Variants in GRM5 observed in about 807,000 individuals in gnomAD.
GRM5 encodes the protein metabotropic glutamate receptor 5.
GRM5 carries 19 observed loss-of-function variants against 83.1 expected under a neutral mutation model. The ratio of observed to expected loss-of-function variants is 0.23; its 90% CI spans 0.16 to 0.34. The LOEUF (loss-of-function observed/expected upper bound fraction) is 0.34, where lower values mean the gene tolerates loss of function less well. Ranked by LOEUF, GRM5 falls within the 10% of genes least tolerant of loss-of-function variation. The probability of loss-of-function intolerance (pLI) is 1.00; values close to 1 mark genes in which losing one functional copy is unlikely to be tolerated. For synonymous variants in GRM5, 675 were observed against 633.6 expected (o/e 1.07, Z -0.98); for missense variants, 1,160 against 1,588.3 (o/e 0.73, Z 4.58).
At chr11:88,839,346 TAA>T (rs1224585910) in intron 3 of GRM5, among the ~76,000 whole-genome samples, 2 of 152,192 alleles carry the variant, frequency 1.3e-5, no homozygotes, top group African/African-American at 2.4e-5. Context: ...CCTTAATTTA[TAA>T]AGTTTTTAGA....
intron 2 of GRM5, among the ~76,000 whole-genome samples, chr11:88,951,997 G>C (rs1377878886): frequency 6.6e-6 from 1 of 152,132 alleles, no homozygotes; most frequent in Non-Finnish European, 1.5e-5. Flanking sequence ...ACTTCAGGCA[G>C]AATTATCTTT....
At chr11:88,984,474 A>G (rs1939631478) in intron 2 of GRM5, among the ~76,000 whole-genome samples, 5 of 152,156 alleles carry the variant, frequency 3.3e-5, no homozygotes, top group Admixed American at 3.3e-4. Context: ...ACACTCTATG[A>G]TGTTCACAGG....
intron 8 of GRM5, among the ~76,000 whole-genome samples, chr11:88,531,126 G>C (rs192473180): frequency 8.7e-4 from 133 of 152,194 alleles, no homozygotes; most frequent in African/African-American, 3.1e-3. Context: ...TCACATTTTT[G>C]TATGTAAGGG....
intron 3 of GRM5, among the ~76,000 whole-genome samples, chr11:88,841,953 T>C (rs559095116): frequency 5.9e-5 from 9 of 152,194 alleles, no homozygotes; most frequent in Non-Finnish European, 1.3e-4. Flanking sequence ...ATACTTGAGA[T>C]CATTGCAATA....
intron 3 of GRM5, among the ~76,000 whole-genome samples, chr11:88,830,641 C>T (rs1187876452): frequency 1.3e-5 from 2 of 152,132 alleles, no homozygotes; most frequent in East Asian, 1.9e-4. Flanking sequence ...GCAATACTTG[C>T]CAGAGCCGTT....
intron 4 of GRM5, among the ~76,000 whole-genome samples, chr11:88,651,155 T>C (rs1374092363): frequency 6.6e-6 from 1 of 151,924 alleles, no homozygotes; most frequent in South Asian, 2.1e-4. Flanking sequence ...ACGGTTTCCA[T>C]AGAAATAATA....
intron 3 of GRM5, among the ~76,000 whole-genome samples, chr11:88,766,186 G>T (rs1318918554): frequency 6.6e-6 from 1 of 151,766 alleles, no homozygotes; most frequent in East Asian, 1.9e-4. Flanking sequence ...TGATATTCTT[G>T]ACATGACTAG....
At chr11:88,992,866 G>T (rs1262700171) in intron 2 of GRM5, among the ~76,000 whole-genome samples, 2 of 144,482 alleles carry the variant, frequency 1.4e-5, no homozygotes, top group Non-Finnish European at 3.0e-5. Flanking sequence ...GGGGCCTGTC[G>T]TGGGGTGGGG....
intron 2 of GRM5, among the ~76,000 whole-genome samples, chr11:88,891,113 A>G (rs1945137167): frequency 6.6e-6 from 1 of 152,100 alleles, no homozygotes; most frequent in Non-Finnish European, 1.5e-5. Context: ...AAAATGGGTT[A>G]TAAAAAAGGT....
intron 3 of GRM5, among the ~76,000 whole-genome samples, chr11:88,823,742 G>T (rs1212765595): frequency 1.3e-5 from 2 of 152,072 alleles, no homozygotes; most frequent in African/African-American, 4.8e-5. Flanking sequence ...GAGAACTTGG[G>T]CTATCAACAT....
In GRM5 at chr11:88,888,957, G is replaced by A. The variant is rs139684409; in HGVS notation, c.662-38802C>T. Among the ~76,000 whole-genome samples, 498 of 152,270 alleles carry A rather than the reference G, an allele frequency of 3.3e-3. 1 individual carries two copies. Among genetic ancestry groups the A allele is most frequent in the African/African-American group, 0.012 (483 of 41,556 alleles). On this transcript the variant is annotated intron_variant, in intron 2 of 9. Transcript: ENST00000305447. ...GGAACATGACCTGTAACCATGTGGC[G>A]AATAATTTGTTTTAGTCTCCACCAT...
At chr11:88,833,596 G>A (rs1428434657) in intron 3 of GRM5, among the ~76,000 whole-genome samples, 1 of 152,138 alleles carries the variant, frequency 6.6e-6, no homozygotes, top group Non-Finnish European at 1.5e-5. Flanking sequence ...ACTATCGTAT[G>A]ATCAGCAATT....
chr11:88,573,112 T>A (rs901945137), intron 7 of GRM5, among the ~76,000 whole-genome samples: 4 of 152,190 alleles, frequency 2.6e-5, no homozygotes, highest in African/African-American at 9.6e-5. Context: ...TATACTTGAT[T>A]CGTAAGTCTG....
chr11:88,640,593 C>G (rs778203121), intron 4 of GRM5, among the ~76,000 whole-genome samples: 2 of 152,128 alleles, frequency 1.3e-5, no homozygotes, highest in Non-Finnish European at 2.9e-5. Context: ...CTCCCTCTTC[C>G]CACCAGTAAT....
In GRM5 at chr11:89,047,479, C is replaced by T; in HGVS notation, c.394G>A (p.Gly132Ser). The change falls in exon 2 of 10, where the codon GGC becomes AGC. Residue 132 changes from glycine to serine, a missense_variant. Around this residue, in one of 9 missense-constraint regions of GRM5, gnomAD observed 39 missense variants for 36.7 expected, o/e 1.06. Coordinates refer to ENST00000305447, the MANE Select transcript of GRM5 (RefSeq NM_001143831.3). This position sits in a 1 kb window ranked among gnomAD's most constrained non-coding sequence, Gnocchi z 5.1. ...TTGGAGCGGAAGGAAGAGGAGGAGCCATCCACACAGCGTACCAAGCCTTCT... is the reference window on the plus strand; with the variant it reads ...TTGGAGCGGAAGGAAGAGGAGGAGCTATCCACACAGCGTACCAAGCCTTCT... Reference protein sequence around the residue: ...EEEGLVRCVDGSSSSFRSKKP... With the variant: ...EEEGLVRCVDSSSSSFRSKKP... 1 of 1,614,200 alleles carries T rather than the reference C, an allele frequency of 6.2e-7. No homozygotes were observed. Among genetic ancestry groups the T allele is most frequent in the Non-Finnish European group, 8.5e-7 (1 of 1,180,028 alleles).
chr11:89,062,535 G>T (rs781391066), intron 1 of GRM5, among the ~76,000 whole-genome samples: 3 of 152,186 alleles, frequency 2.0e-5, no homozygotes, highest in Non-Finnish European at 4.4e-5. Flanking sequence ...CCTTCTCACT[G>T]GTCTGTATCA....
chr11:88,841,344 A>T (rs1944196665), intron 3 of GRM5, among the ~76,000 whole-genome samples: 1 of 152,164 alleles, frequency 6.6e-6, no homozygotes, highest in Admixed American at 6.5e-5. Context: ...TATCTTTGTA[A>T]AATTATCAAA....
chr11:88,581,074 C>T (rs183329794), intron 7 of GRM5, among the ~76,000 whole-genome samples: 184 of 152,264 alleles, frequency 1.2e-3, no homozygotes, highest in African/African-American at 4.1e-3. Context: ...TGATGTGCCA[C>T]TGCACTCCAA....
At chr11:88,519,386 T>C (rs1289514809) in intron 9 of GRM5, among the ~76,000 whole-genome samples, 2 of 152,002 alleles carry the variant, frequency 1.3e-5, no homozygotes, top group African/African-American at 4.8e-5. Context: ...TAGGGTTAGT[T>C]TATGAAGAAC....
Sources: allele counts gnomAD v4.1 joint callset (sites outside exome capture counted in the v4.1 genomes callset), GRCh38; gene constraint gnomAD v4.1.1; regional missense constraint gnomAD v4.1.1; non-coding constraint Gnocchi (gnomAD v3.1); transcripts MANE v1.5; gene names NCBI Gene and HGNC (gene_info 2026-07-23, HGNC 2026-07-21).